Variants in L3MBTL1 observed in about 807,000 individuals in gnomAD.
L3MBTL1 encodes lethal(3)malignant brain tumor-like protein 1.
A neutral mutation model predicts 105.3 loss-of-function variants in L3MBTL1; 75 were observed. The observed-to-expected ratio is 0.71, with a 90% CI of 0.59 to 0.86. The LOEUF (loss-of-function observed/expected upper bound fraction) is 0.86, where lower values mean the gene tolerates loss of function less well. Among genes scored for constraint, L3MBTL1 ranks in the 40% least tolerant of loss-of-function variants. The pLI, the probability that L3MBTL1 is intolerant of heterozygous loss-of-function variation, is 0.00. For synonymous variants in L3MBTL1, 452 were observed against 436.2 expected (o/e 1.04, Z -0.45); for missense variants, 1,069 against 1,126.4 (o/e 0.95, Z 0.73).
chr20:43,541,004 T>C lies in L3MBTL1; in HGVS notation c.2465T>C (p.Leu822Pro). 6.2e-7 allele frequency: 1 copy of C among 1,614,164 alleles called. No homozygotes were observed. Among genetic ancestry groups the C allele is most frequent in the Non-Finnish European group, 8.5e-7 (1 of 1,180,042 alleles). The stretch of plus-strand genomic sequence containing the variant: ...TGGACTGTGGCCCAGCTTGGGGACC[T>C]TGTGTGCTCAGATCATCTTCAGGAA... ...LVWTVAQLGDLVCSDHLQEGK... is the reference protein window; with the variant it reads ...LVWTVAQLGDPVCSDHLQEGK... The change falls in exon 22 of 22, where the codon CTT becomes CCT. Residue 822 changes from leucine to proline, a missense_variant. Coordinates refer to ENST00000418998, the MANE Select transcript of L3MBTL1 (RefSeq NM_001377303.1).
intron 10 of L3MBTL1, 127 bp from the exon 11 acceptor site, chr20:43,530,671 T>C: frequency 1.1e-6 from 1 of 914,382 alleles, no homozygotes; most frequent in Non-Finnish European, 1.7e-6. Context: ...GGGGAATCCC[T>C]GGGCAAGTTC....
chr20:43,532,642 A>T (rs1195830920), intron 11 of L3MBTL1, 131 bp from the exon 12 acceptor site: 1 of 989,536 alleles, frequency 1.0e-6, no homozygotes, highest in African/African-American at 1.6e-5. Context: ...TTCCCAGCTT[A>T]TTTCTCCTTC....
chr20:43,547,968 T>A, intron 18 of L3MBTL1: 1 of 335,404 alleles, frequency 3.0e-6, no homozygotes. Flanking sequence ...TCTCCCCTTC[T>A]CTCCTCCTTC....
At chr20:43,539,742 A>G (rs2019811551) in intron 19 of L3MBTL1, 1 of 265,820 alleles carries the variant, frequency 3.8e-6, no homozygotes, top group East Asian at 9.2e-5. Flanking sequence ...ACTCATGAGA[A>G]GAAGAGTAAA....
intron 10 of L3MBTL1, 100 bp from the exon 11 acceptor site, chr20:43,530,698 G>A (rs2019290697): frequency 8.9e-7 from 1 of 1,119,624 alleles, no homozygotes; most frequent in Non-Finnish European, 1.3e-6. Flanking sequence ...GTTGGGGGGA[G>A]GTCCTCAGGC....
At chr20:43,524,175 G>A (rs1262963416) in intron 7 of L3MBTL1, among the ~76,000 whole-genome samples, 3 of 151,818 alleles carry the variant, frequency 2.0e-5, no homozygotes, top group Admixed American at 6.6e-5. Context: ...ATTTTCTTTG[G>A]GTTAATTTTA....
At chr20:43,517,498 G>C (rs1468848271) in intron 7 of L3MBTL1, among the ~76,000 whole-genome samples, 1 of 152,208 alleles carries the variant, frequency 6.6e-6, no homozygotes, top group Non-Finnish European at 1.5e-5. Flanking sequence ...GGACTCCTGG[G>C]CTCAAGGGAT....
Position 43,513,921 on chromosome 20 carries a change from G to C in L3MBTL1, c.220G>C (p.Glu74Gln). The C allele has an allele frequency of 6.4e-7, 1 of 1,550,470 alleles. No homozygotes were observed. Among genetic ancestry groups the C allele is most frequent in the Non-Finnish European group, 8.7e-7 (1 of 1,146,988 alleles). ...GGAGCCAATCCATGTGGGTGCCCCG[G>C]AGCAAGTGGCCGGCTGCGAACCAGT... ...PREPIHVGAP[E>Q]QVAGCEPVSA... The change falls in exon 3 of 22, where the codon GAG becomes CAG. Residue 74 changes from glutamate to glutamine, a missense_variant. Transcript: ENST00000418998.
In L3MBTL1 at chr20:43,522,456, A is replaced by ATTTTTTTTTTTTTTTTTTTTTTTT. The variant is rs778355165; in HGVS notation, c.863-6201_863-6200insTTTTTTTTTTTTTTTTTTTTTTTT. Among the ~76,000 whole-genome samples the ATTTTTTTTTTTTTTTTTTTTTTTT allele has an allele frequency of 1.3e-4, 12 of 89,874 alleles. 1 individual carries two copies. Among genetic ancestry groups the ATTTTTTTTTTTTTTTTTTTTTTTT allele is most frequent in the Non-Finnish European group, 1.4e-4 (6 of 43,202 alleles). The allele number at this position is 89,874 out of a possible 152,430, so 59.0% of individuals were successfully genotyped here. On this transcript the variant is annotated intron_variant, in intron 7 of 21. Coordinates refer to ENST00000418998, the MANE Select transcript of L3MBTL1 (RefSeq NM_001377303.1). ...ATGGTAACTGAATTTTTCCCTGCTAAGTTTTTTTTTTTTTTTTTTTTTTTT... is the reference window on the plus strand; with the variant it reads ...ATGGTAACTGAATTTTTCCCTGCTAATTTTTTTTTTTTTTTTTTTTTTTTGTTTTTTTTTTTTTTTTTTTTTTTT...
Position 43,540,528 on chromosome 20 carries a change from T to C in L3MBTL1, c.2331+220T>C, listed in dbSNP as rs112777842. 3.4e-3 allele frequency among the ~76,000 whole-genome samples: 520 copies of C among 152,294 alleles called. 10 individuals are homozygous for C. Among genetic ancestry groups the C allele is most frequent in the East Asian group, 0.03 (156 of 5,174 alleles). On this transcript the variant is annotated intron_variant, in intron 20 of 21. Coordinates refer to ENST00000418998, the MANE Select transcript of L3MBTL1 (RefSeq NM_001377303.1). ...GCAGAGGGGGCGGGGGCTGTGCTGC[T>C]GTTTCAGCCAGAAATCCAGCAGGAG...
chr20:43,525,721 C>A (rs2018997460), intron 7 of L3MBTL1, among the ~76,000 whole-genome samples: 1 of 152,096 alleles, frequency 6.6e-6, no homozygotes, highest in African/African-American at 2.4e-5. Context: ...AGGCCTCTTT[C>A]CAGTGGATTA....
exon 19 of L3MBTL1, chr20:43,550,689 A>T (rs1241713704): frequency 6.6e-6 from 1 of 152,116 alleles, no homozygotes; most frequent in African/African-American, 2.4e-5. Context: ...GGCAGTTAGG[A>T]CCTTTCTGTT....
At chr20:43,519,366 G>A (rs1248239008) in intron 7 of L3MBTL1, among the ~76,000 whole-genome samples, 1 of 148,990 alleles carries the variant, frequency 6.7e-6, no homozygotes, top group Non-Finnish European at 1.5e-5. Flanking sequence ...GCTGGGTGCA[G>A]TGGCTCACTC....
chr20:43,528,904 C>A, intron 8 of L3MBTL1, 159 bp downstream of exon 8: 1 of 649,336 alleles, frequency 1.5e-6, no homozygotes, highest in Non-Finnish European at 2.7e-6. Flanking sequence ...TGGAAAAGGG[C>A]CCCCCATAAG....
Position 43,540,303 on chromosome 20 carries a change from G to A in L3MBTL1, c.2326G>A (p.Asp776Asn), listed in dbSNP as rs773063331. The A allele has an allele frequency of 1.5e-5, 24 of 1,613,378 alleles. No homozygotes were observed. Among genetic ancestry groups the A allele is most frequent in the Non-Finnish European group, 1.9e-5 (22 of 1,179,988 alleles). ...SASTVAKWTI[D>N]EVFGFVQTLT... ...CTCGACAGTCGCCAAGTGGACCATCGATGAGGTGAGGAGCGAGGGCCCTTC... is the reference window on the plus strand; with the variant it reads ...CTCGACAGTCGCCAAGTGGACCATCAATGAGGTGAGGAGCGAGGGCCCTTC... Residue 776 changes from aspartate to asparagine, a missense_variant, in exon 20 of 22, where the codon GAT becomes AAT. Asp to Asn is a conservative substitution (Grantham distance 23, BLOSUM62 1). Coordinates refer to ENST00000418998, the MANE Select transcript of L3MBTL1 (RefSeq NM_001377303.1).
chr20:43,509,642 T>A (rs1477831546), intron 1 of L3MBTL1, among the ~76,000 whole-genome samples: 1 of 152,234 alleles, frequency 6.6e-6, no homozygotes, highest in African/African-American at 2.4e-5. Context: ...TTTTGTCATG[T>A]TTGTGACTGT....
At chr20:43,545,445 A>G (rs1978532813), downstream of L3MBTL1, among the ~76,000 whole-genome samples, 1 of 151,840 alleles carries the variant, frequency 6.6e-6, no homozygotes, top group Non-Finnish European at 1.5e-5. Flanking sequence ...GCACAGACAC[A>G]TCTGCTGGGG....
intron 10 of L3MBTL1, 185 bp from the exon 11 acceptor site, chr20:43,530,613 G>T (rs1373690424): frequency 5.2e-6 from 4 of 775,226 alleles, no homozygotes; most frequent in Non-Finnish European, 8.4e-6. Flanking sequence ...CTTCCGCTTT[G>T]CACTTGCCCT....
intron 11 of L3MBTL1, 109 bp from the exon 12 acceptor site, chr20:43,532,664 C>A: frequency 2.5e-6 from 3 of 1,183,186 alleles, no homozygotes; most frequent in Non-Finnish European, 2.4e-6. Context: ...TTTCTCACTG[C>A]CCACACCCCA....
Sources: gnomAD v4.1 joint callset for allele counts (sites outside exome capture counted in the v4.1 genomes callset) on GRCh38, gnomAD v4.1.1 for gene constraint, MANE v1.5 for transcripts, NCBI Gene and HGNC (gene_info 2026-07-23, HGNC 2026-07-21) for gene names.